The following SLC14A2 variants were observed in gnomAD, a reference collection of about 807,000 sequenced individuals.
SLC14A2 encodes the protein urea transporter 2.
In SLC14A2, 91 loss-of-function variants were observed where a neutral mutation model predicts 104.6. The observed-to-expected ratio is 0.87, with a 90% CI of 0.73 to 1.04. The LOEUF (loss-of-function observed/expected upper bound fraction) is 1.04, where lower values mean the gene tolerates loss of function less well. SLC14A2 is among the 50% of genes least tolerant of loss of function. The pLI is 0.00. For missense variants in SLC14A2, 1,189 were observed against 1,156.0 expected, an observed-to-expected ratio of 1.03 and a Z score of -0.41; for synonymous variants, 476 against 466.4, an observed-to-expected ratio of 1.02 and a Z score of -0.27.
chr18:45,351,876 C>T (rs1474234433), intron 1 of SLC14A2, among the ~76,000 whole-genome samples: 1 of 152,004 alleles, frequency 6.6e-6, no homozygotes, highest in Non-Finnish European at 1.5e-5. Context: ...CACTTGGATT[C>T]AAATATCAGA....
chr18:45,327,053 G>A lies in SLC14A2; in HGVS notation c.-125+113862G>A, dbSNP rs188179411. On this transcript the variant is annotated intron_variant, in intron 1 of 20. Coordinates refer to the SLC14A2 transcript ENST00000586448. ...CTCCATCCATCCATCCAGCCAGCCA[G>A]CCAGCCATCTAGCTAGCTTTCTCAT... 7.9e-4 allele frequency among the ~76,000 whole-genome samples: 121 copies of A among 152,206 alleles called. 1 individual carries two copies. Among genetic ancestry groups the A allele is most frequent in the Admixed American group, 4.8e-3 (73 of 15,288 alleles).
chr18:45,278,318 G>A (rs1002566699), intron 1 of SLC14A2, among the ~76,000 whole-genome samples: 1 of 152,124 alleles, frequency 6.6e-6, no homozygotes, highest in Non-Finnish European at 1.5e-5. Flanking sequence ...ATAATTTTTT[G>A]TTGTGAGAAT....
chr18:45,220,371 G>A (rs571192503), intron 1 of SLC14A2, among the ~76,000 whole-genome samples: 4 of 152,262 alleles, frequency 2.6e-5, no homozygotes, highest in African/African-American at 9.6e-5. Flanking sequence ...CCCTTACTAC[G>A]CACAGACTAA....
intron 1 of SLC14A2, among the ~76,000 whole-genome samples, chr18:45,264,089 G>A (rs556564381): frequency 6.6e-6 from 1 of 152,212 alleles, no homozygotes; most frequent in South Asian, 2.1e-4. Context: ...AGAATCAAAG[G>A]TGTCATTATG....
chr18:45,460,446 C>A (rs550661405), intron 1 of SLC14A2, among the ~76,000 whole-genome samples: 28 of 152,204 alleles, frequency 1.8e-4, no homozygotes, highest in African/African-American at 6.8e-4. Context: ...ATTCAAGGGA[C>A]CTTCCTGACT....
rs957944864 is a variant in SLC14A2 at position 45,236,581 on chromosome 18, A to G, written c.-125+23390A>G. The stretch of plus-strand genomic sequence containing the variant: ...TATGTGTATATATGTATATATACAT[A>G]TATATATGGGAAAAAGTATATATTC... On this transcript the variant is annotated intron_variant, in intron 1 of 20. Coordinates refer to the SLC14A2 transcript ENST00000586448. Among the ~76,000 whole-genome samples the G allele has an allele frequency of 3.0e-4, 33 of 111,764 alleles. 4 individuals are homozygous for G. Among genetic ancestry groups the G allele is most frequent in the Non-Finnish European group, 5.4e-4 (29 of 54,000 alleles). The allele number at this position is 111,764 out of a possible 152,430, so 73.3% of individuals were successfully genotyped here.
intron 2 of SLC14A2, chr18:45,542,263 G>C (rs1458402030): frequency 6.6e-6 from 1 of 151,798 alleles, no homozygotes; most frequent in Non-Finnish European, 1.5e-5. Context: ...GGAAGGCCCA[G>C]GGGAACCCAC....
chr18:45,229,264 G>C (rs750299290), intron 1 of SLC14A2, among the ~76,000 whole-genome samples: 5 of 152,260 alleles, frequency 3.3e-5, no homozygotes, highest in Middle Eastern at 3.4e-3. Flanking sequence ...ATTGAAGCCA[G>C]GTCCTGCCTT....
At chr18:45,168,334 G>A in the SLC14A2 span, among the ~76,000 whole-genome samples, 6 of 152,124 alleles carry the variant, frequency 3.9e-5, no homozygotes, top group African/African-American at 1.4e-4. Context: ...TTCTATTTAT[G>A]GTGAATACCA....
chr18:45,176,890 A>T, the SLC14A2 span, among the ~76,000 whole-genome samples: 1 of 152,140 alleles, frequency 6.6e-6, no homozygotes, highest in Non-Finnish European at 1.5e-5. Context: ...AAATCTCCCA[A>T]ATTAAGCCCA....
At chr18:45,546,214 A>G (rs2043966997) in intron 2 of SLC14A2, among the ~76,000 whole-genome samples, 1 of 152,242 alleles carries the variant, frequency 6.6e-6, no homozygotes, top group Non-Finnish European at 1.5e-5. Flanking sequence ...AACAAAGAGG[A>G]GCATCTTCAG....
At chr18:45,489,620 CAAAG>C (rs1311612672) in intron 2 of SLC14A2, among the ~76,000 whole-genome samples, 1 of 152,070 alleles carries the variant, frequency 6.6e-6, no homozygotes, top group Non-Finnish European at 1.5e-5. Context: ...CATTAAGTCA[CAAAG>C]AGAGAATCCA....
chr18:45,354,791 G>T (rs2085535996), intron 1 of SLC14A2, among the ~76,000 whole-genome samples: 1 of 152,152 alleles, frequency 6.6e-6, no homozygotes, highest in Admixed American at 6.5e-5. Flanking sequence ...GTAGCCTACT[G>T]GGTCTACTAT....
At chr18:45,516,831 TAA>T (rs1424109300) in intron 2 of SLC14A2, among the ~76,000 whole-genome samples, 1 of 152,182 alleles carries the variant, frequency 6.6e-6, no homozygotes, top group East Asian at 1.9e-4. Context: ...CAGTGGGGGT[TAA>T]GTTAGTGTTG....
At chr18:45,527,817 G>A (rs2043617306) in intron 2 of SLC14A2, 1 of 152,170 alleles carries the variant, frequency 6.6e-6, no homozygotes, top group South Asian at 2.1e-4. Flanking sequence ...AATGATTACA[G>A]TTCATAACTC....
intron 1 of SLC14A2, among the ~76,000 whole-genome samples, chr18:45,350,869 A>G (rs1025887468): frequency 1.3e-5 from 2 of 152,178 alleles, no homozygotes; most frequent in African/African-American, 2.4e-5. Flanking sequence ...CGATACAATT[A>G]TAGGATGAGA....
chr18:45,600,535 G>T (rs906826108), intron 2 of SLC14A2, among the ~76,000 whole-genome samples: 9 of 152,178 alleles, frequency 5.9e-5, no homozygotes, highest in African/African-American at 2.2e-4. Flanking sequence ...GGATACACTT[G>T]GCACCAGGAT....
intron 2 of SLC14A2, among the ~76,000 whole-genome samples, chr18:45,586,702 C>G (rs980885126): frequency 6.6e-6 from 1 of 152,042 alleles, no homozygotes; most frequent in Non-Finnish European, 1.5e-5. Context: ...CATCAGAGTC[C>G]ACAGGTCCCT....
chr18:45,651,651 C>A (rs1253907258), intron 10 of SLC14A2, among the ~76,000 whole-genome samples: 2 of 152,116 alleles, frequency 1.3e-5, no homozygotes, highest in African/African-American at 2.4e-5. Flanking sequence ...GGTGGGTAAC[C>A]AGACCGGATT....
Sources: allele counts gnomAD v4.1 joint callset (sites outside exome capture counted in the v4.1 genomes callset), GRCh38; gene constraint gnomAD v4.1.1; transcripts MANE v1.5; gene names NCBI Gene and HGNC (gene_info 2026-07-23, HGNC 2026-07-21).